MNAT1: variants seen among roughly 807,000 people sequenced by gnomAD.
MNAT1 encodes CDK-activating kinase assembly factor MAT1.
Under a neutral mutation model 42.0 loss-of-function variants are expected in MNAT1, and 43 were observed. The observed-to-expected ratio is 1.02, with a 90% CI of 0.80 to 1.32. The LOEUF is 1.32. Among genes scored for constraint, MNAT1 ranks in the 40% most tolerant of loss-of-function variants. The pLI is 0.00. For missense variants in MNAT1, 306 were observed against 350.4 expected (o/e 0.87, Z 1.01); for synonymous variants, 118 against 120.0 (o/e 0.98, Z 0.11).
intron 7 of MNAT1, among the ~76,000 whole-genome samples, chr14:60,889,307 A>C (rs1282303504): frequency 6.6e-6 from 1 of 152,196 alleles, no homozygotes; most frequent in African/African-American, 2.4e-5. Context: ...ATTATCTACA[A>C]CTATCTGATC....
chr14:60,870,363 G>C (rs1337528385), intron 6 of MNAT1, among the ~76,000 whole-genome samples: 1 of 151,976 alleles, frequency 6.6e-6, no homozygotes, highest in African/African-American at 2.4e-5. Context: ...AAAGTTGCAT[G>C]GTTTTCTGTG....
chr14:60,913,724 TCAGTCTG>T (rs1424245577), intron 7 of MNAT1, among the ~76,000 whole-genome samples: 1 of 152,180 alleles, frequency 6.6e-6, no homozygotes, highest in Non-Finnish European at 1.5e-5. Flanking sequence ...GTGTGAGGTG[TCAGTCTG>T]CCCCTACTGG....
intron 7 of MNAT1, among the ~76,000 whole-genome samples, chr14:60,881,385 A>G (rs564316717): frequency 2.6e-5 from 4 of 152,098 alleles, no homozygotes; most frequent in Admixed American, 1.3e-4. Context: ...GGGTTTCACC[A>G]TGTTGGCCAG....
At chr14:60,926,257 C>T (rs1231210587) in intron 7 of MNAT1, among the ~76,000 whole-genome samples, 1 of 152,200 alleles carries the variant, frequency 6.6e-6, no homozygotes, top group South Asian at 2.1e-4. Context: ...GGGGTTTTCC[C>T]CCCACACACC....
At chr14:60,765,037 G>T (rs1006242460) in intron 1 of MNAT1, among the ~76,000 whole-genome samples, 3 of 152,150 alleles carry the variant, frequency 2.0e-5, no homozygotes, top group Non-Finnish European at 4.4e-5. Flanking sequence ...GATCACCTGA[G>T]GTCAGGAGTT....
intron 6 of MNAT1, among the ~76,000 whole-genome samples, chr14:60,830,651 C>T (rs1395605052): frequency 6.6e-6 from 1 of 152,060 alleles, no homozygotes; most frequent in African/African-American, 2.4e-5. Flanking sequence ...ATCAATGCAC[C>T]ATCAGTATTG....
chr14:60,920,427 C>T (rs934936041), intron 7 of MNAT1, among the ~76,000 whole-genome samples: 1 of 151,570 alleles, frequency 6.6e-6, no homozygotes, highest in Non-Finnish European at 1.5e-5. Context: ...ACAGAAAAAT[C>T]TTGATTTTTT....
chr14:60,823,090 A>AT (rs2032946762), intron 6 of MNAT1, among the ~76,000 whole-genome samples: 1 of 152,186 alleles, frequency 6.6e-6, no homozygotes, highest in South Asian at 2.1e-4. Flanking sequence ...ATCTCAGCTC[A>AT]TCTTGGAGCA....
chr14:60,865,273 T>C (rs1325463394), intron 6 of MNAT1, among the ~76,000 whole-genome samples: 3 of 152,100 alleles, frequency 2.0e-5, no homozygotes, highest in African/African-American at 7.2e-5. Context: ...TTGTAGATAA[T>C]TTTATATAAA....
Position 60,940,054 on chromosome 14 carries a change from C to T in MNAT1, c.810-28175C>T, listed in dbSNP as rs2036107456. 2.6e-5 allele frequency among the ~76,000 whole-genome samples: 4 copies of T among 152,242 alleles called. No individual in the cohort carries two copies. The South Asian group carries it at 8.3e-4, about 32-fold the overall frequency. Reference sequence around the variant, plus strand: ...GTTTTATGAGAGACTAGGATCGCAACCCCTGCCTTTTTTTGTTTTCCATTT... The same window carrying T: ...GTTTTATGAGAGACTAGGATCGCAATCCCTGCCTTTTTTTGTTTTCCATTT... On this transcript the variant is annotated intron_variant, in intron 7 of 7. Coordinates refer to ENST00000261245, the MANE Select transcript of MNAT1 (RefSeq NM_002431.4).
At position 60,915,258 on chromosome 14, in the gene MNAT1, A is replaced by G. The variant is rs117142072; in HGVS notation, c.809+35423A>G. ...TATAGCTGTCTCTTGACTTCCTAGT[A>G]TGAGAAATGAAGATTTAGCCATCTA... On this transcript the variant is annotated intron_variant, in intron 7 of 7. Transcript: ENST00000261245. Among the ~76,000 whole-genome samples the G allele has an allele frequency of 3.9e-4, 60 of 152,314 alleles. No homozygotes were observed. In the East Asian group the frequency reaches 8.9e-3, roughly 23 times the overall value.
chr14:60,860,636 G>A (rs972900505), intron 6 of MNAT1, among the ~76,000 whole-genome samples: 1 of 152,092 alleles, frequency 6.6e-6, no homozygotes, highest in African/African-American at 2.4e-5. Flanking sequence ...ACAGGCGTGA[G>A]CCACCATGCC....
At chr14:60,868,176 G>T (rs1224294811) in intron 6 of MNAT1, among the ~76,000 whole-genome samples, 1 of 151,956 alleles carries the variant, frequency 6.6e-6, no homozygotes, top group African/African-American at 2.4e-5. Context: ...ATATGTGTAG[G>T]CACACACACT....
chr14:60,861,936 C>G (rs955690402), intron 6 of MNAT1, among the ~76,000 whole-genome samples: 1 of 152,126 alleles, frequency 6.6e-6, no homozygotes, highest in African/African-American at 2.4e-5. Context: ...GGGCAGCAGT[C>G]TTGTATATCA....
chr14:60,887,685 A>G (rs181284966), intron 7 of MNAT1, among the ~76,000 whole-genome samples: 2 of 151,996 alleles, frequency 1.3e-5, no homozygotes, highest in Admixed American at 6.6e-5. Context: ...GATCCACAAA[A>G]TTGATAGACC....
intron 1 of MNAT1, among the ~76,000 whole-genome samples, chr14:60,794,456 G>A (rs1440069083): frequency 6.6e-6 from 1 of 151,322 alleles, no homozygotes; most frequent in Non-Finnish European, 1.5e-5. Flanking sequence ...CTTGAGCCCA[G>A]GAGTTCGAGA....
rs191655972 is a variant in MNAT1 at position 60,922,748 on chromosome 14, A to G, written c.809+42913A>G. On this transcript the variant is annotated intron_variant, in intron 7 of 7. Coordinates refer to ENST00000261245, the MANE Select transcript of MNAT1 (RefSeq NM_002431.4). ...TGTTAGTCAAATGGAATAGTGATCAAGTAAGATTTCTCCATTGCCAAGGCC... is the reference window on the plus strand; with the variant it reads ...TGTTAGTCAAATGGAATAGTGATCAGGTAAGATTTCTCCATTGCCAAGGCC... Among the ~76,000 whole-genome samples the G allele has an allele frequency of 5.9e-5, 9 of 152,294 alleles. No homozygotes were observed. The East Asian group carries it at 1.7e-3, about 29-fold the overall frequency.
intron 7 of MNAT1, among the ~76,000 whole-genome samples, chr14:60,906,498 G>A (rs1204132038): frequency 2.0e-5 from 3 of 152,152 alleles, no homozygotes; most frequent in Non-Finnish European, 2.9e-5. Context: ...CATGGTAGCA[G>A]TATAGTTCAT....
At chr14:60,805,482 C>T (rs1024719976) in intron 3 of MNAT1, among the ~76,000 whole-genome samples, 10 of 152,118 alleles carry the variant, frequency 6.6e-5, no homozygotes, top group African/African-American at 1.4e-4. Flanking sequence ...TTTTGACAAA[C>T]GTATAATAAT....
Sources: allele counts gnomAD v4.1 joint callset (sites outside exome capture counted in the v4.1 genomes callset), GRCh38; gene constraint gnomAD v4.1.1; transcripts MANE v1.5; gene names NCBI Gene and HGNC (gene_info 2026-07-23, HGNC 2026-07-21).